The following PPP2R2B variants were observed in gnomAD, a reference collection of about 807,000 sequenced individuals.
PPP2R2B encodes protein phosphatase 2 regulatory subunit Bbeta.
Under a neutral mutation model 46.0 loss-of-function variants are expected in PPP2R2B, and 5 were observed. That is an observed-to-expected ratio of 0.11 (90% CI 0.06 to 0.23). PPP2R2B has a LOEUF of 0.23. PPP2R2B is among the 10% of genes least tolerant of loss of function. PPP2R2B has a pLI of 1.00. For synonymous variants in PPP2R2B, 215 were observed against 206.7 expected (o/e 1.04, Z -0.34); for missense variants, 367 against 575.0 (o/e 0.64, Z 3.70).
intron 2 of PPP2R2B, chr5:146,706,232 A>T: frequency 2.1e-6 from 1 of 469,184 alleles, no homozygotes; most frequent in Non-Finnish European, 4.0e-6. Context: ...ATCAGAGGAC[A>T]CCAGCTTCCC....
intron 1 of PPP2R2B, among the ~76,000 whole-genome samples, chr5:146,997,459 C>T (rs1188396514): frequency 2.0e-5 from 3 of 152,292 alleles, no homozygotes; most frequent in East Asian, 3.9e-4. Flanking sequence ...CACCCATGGA[C>T]ATGGCCTTTC....
chr5:147,067,753 T>C (rs1305669115), intron 2 of PPP2R2B, among the ~76,000 whole-genome samples: 1 of 152,214 alleles, frequency 6.6e-6, no homozygotes, highest in Non-Finnish European at 1.5e-5. Context: ...CAATATGCTA[T>C]GAATCTAAGT....
At chr5:146,958,248 C>T (rs1335101620) in intron 1 of PPP2R2B, among the ~76,000 whole-genome samples, 1 of 152,146 alleles carries the variant, frequency 6.6e-6, no homozygotes, top group East Asian at 1.9e-4. Flanking sequence ...CTGCCACTGT[C>T]TCTAGCCCTT....
upstream of PPP2R2B, chr5:146,878,963 C>G: frequency 9.1e-7 from 1 of 1,102,838 alleles, no homozygotes; most frequent in Non-Finnish European, 1.1e-6. This position sits in a 1 kb window ranked among gnomAD's most constrained non-coding sequence, Gnocchi z 4.5. Context: ...TAGACGCGCT[C>G]TTCCAACCTC....
intron 2 of PPP2R2B, among the ~76,000 whole-genome samples, chr5:146,766,060 C>A (rs1422560032): frequency 2.0e-5 from 3 of 152,112 alleles, no homozygotes; most frequent in Non-Finnish European, 2.9e-5. Context: ...ATCATTAAAT[C>A]ATTAATAATT....
At chr5:146,920,396 G>A (rs1280089281) in intron 1 of PPP2R2B, among the ~76,000 whole-genome samples, 2 of 152,162 alleles carry the variant, frequency 1.3e-5, no homozygotes, top group Non-Finnish European at 2.9e-5. Flanking sequence ...GCTTGTTGAG[G>A]CTGTCAACCA....
intron 4 of PPP2R2B, 25 bp from the exon 5 acceptor site, chr5:146,691,265 C>T: frequency 6.2e-7 from 1 of 1,600,974 alleles, no homozygotes; most frequent in Non-Finnish European, 8.6e-7. Context: ...CAGATTAAGT[C>T]AGAATTATAG....
At chr5:146,676,208 T>A (rs749599536) in intron 5 of PPP2R2B, among the ~76,000 whole-genome samples, 3 of 152,102 alleles carry the variant, frequency 2.0e-5, no homozygotes, top group South Asian at 4.2e-4. Flanking sequence ...TTGGTGAACA[T>A]CCTGTCTTCA....
chr5:146,901,974 C>T (rs896664097), intron 1 of PPP2R2B, among the ~76,000 whole-genome samples: 1 of 152,052 alleles, frequency 6.6e-6, no homozygotes, highest in Non-Finnish European at 1.5e-5. Context: ...ATTCACGGGG[C>T]CTGTAGGCTA....
intron 7 of PPP2R2B, among the ~76,000 whole-genome samples, chr5:146,609,359 C>A (rs1326545697): frequency 6.6e-6 from 1 of 152,198 alleles, no homozygotes; most frequent in Non-Finnish European, 1.5e-5. Flanking sequence ...ATAGAGCAAT[C>A]AGACAAAGGA....
intron 1 of PPP2R2B, among the ~76,000 whole-genome samples, chr5:146,981,283 G>C (rs1186848016): frequency 1.3e-5 from 2 of 151,984 alleles, no homozygotes; most frequent in Admixed American, 1.3e-4. Flanking sequence ...GGAGAGTCTT[G>C]GGTGGTAAAT....
rs542237084 is a variant in PPP2R2B at position 146,912,727 on chromosome 5, T to C, written c.79+142938A>G. ...TTTCACAATATTGGTCAGGCTGGTC[T>C]TGAACTCCTGACCTTGTGATCCGCT... On this transcript the variant is annotated intron_variant, in intron 1 of 8. Transcript: ENST00000336640. Among the ~76,000 whole-genome samples the C allele has an allele frequency of 3.3e-5, 5 of 152,120 alleles. No homozygotes were observed. The East Asian group carries it at 9.7e-4, about 30-fold the overall frequency.
intron 5 of PPP2R2B, among the ~76,000 whole-genome samples, chr5:146,678,678 A>G (rs1411888224): frequency 2.0e-5 from 3 of 149,134 alleles, no homozygotes; most frequent in African/African-American, 5.1e-5. Flanking sequence ...TTAAGCTGAT[A>G]AGCAACTTCA....
At chr5:147,079,606 A>G in intron 2 of PPP2R2B, among the ~76,000 whole-genome samples, 1 of 151,786 alleles carries the variant, frequency 6.6e-6, no homozygotes, top group East Asian at 1.9e-4. Context: ...GACAAATACC[A>G]CATGTTCTCA....
chr5:146,706,507 AG>A, intron 2 of PPP2R2B: 1 of 1,188,778 alleles, frequency 8.4e-7, no homozygotes, highest in Non-Finnish European at 1.2e-6. Flanking sequence ...AGCTTCTGGT[AG>A]GCACGCAGCT....
intron 2 of PPP2R2B, among the ~76,000 whole-genome samples, chr5:146,794,942 T>C (rs1261848048): frequency 2.6e-5 from 4 of 152,096 alleles, no homozygotes; most frequent in African/African-American, 7.2e-5. Context: ...CAATGAATAG[T>C]GGTGTCTTCC....
At chr5:146,827,170 C>T (rs574346042) in intron 2 of PPP2R2B, among the ~76,000 whole-genome samples, 1 of 152,222 alleles carries the variant, frequency 6.6e-6, no homozygotes, top group African/African-American at 2.4e-5. Flanking sequence ...CTTGGAATAA[C>T]TACAGTAATA....
intron 2 of PPP2R2B, among the ~76,000 whole-genome samples, chr5:146,832,379 C>CTTTTTTTTTTTTTTTTTT (rs34269274): frequency 2.8e-5 from 2 of 70,192 alleles, no homozygotes; most frequent in Non-Finnish European, 5.4e-5. Flanking sequence ...CATTTTTAAT[C>CTTTTTTTTTTTTTTTTTT]TTTTTTTTTT....
chr5:146,739,373 G>A (rs1471807376), intron 2 of PPP2R2B, among the ~76,000 whole-genome samples: 2 of 152,168 alleles, frequency 1.3e-5, no homozygotes, highest in Non-Finnish European at 2.9e-5. Flanking sequence ...CGTGGAGAAA[G>A]CATTCCAAAC....
Sources: allele counts gnomAD v4.1 joint callset (sites outside exome capture counted in the v4.1 genomes callset), GRCh38; gene constraint gnomAD v4.1.1; non-coding constraint Gnocchi (gnomAD v3.1); transcripts MANE v1.5; gene names NCBI Gene and HGNC (gene_info 2026-07-23, HGNC 2026-07-21).